The following NXPH1 variants were observed in gnomAD, a reference collection of about 807,000 sequenced individuals.
NXPH1 encodes the protein neurexophilin-1.
In NXPH1, 5 loss-of-function variants were observed where a neutral mutation model predicts 23.7. The ratio of observed to expected loss-of-function variants is 0.21; its 90% CI spans 0.11 to 0.44. The LOEUF is 0.44. Ranked by LOEUF, NXPH1 falls within the 20% of genes least tolerant of loss-of-function variation. The probability of loss-of-function intolerance (pLI) is 0.99; values close to 1 mark genes in which losing one functional copy is unlikely to be tolerated. For synonymous variants in NXPH1, 144 were observed against 122.2 expected (o/e 1.18, Z -1.18); for missense variants, 324 against 321.6 (o/e 1.01, Z -0.06).
At chr7:8,741,537 C>A (rs1444128151) in intron 2 of NXPH1, among the ~76,000 whole-genome samples, 1 of 152,100 alleles carries the variant, frequency 6.6e-6, no homozygotes, top group Non-Finnish European at 1.5e-5. Context: ...TACAGCTGTT[C>A]CCTTTCTCCA....
At chr7:8,555,925 A>G (rs1038849363) in intron 2 of NXPH1, among the ~76,000 whole-genome samples, 1 of 151,682 alleles carries the variant, frequency 6.6e-6, no homozygotes, top group African/African-American at 2.4e-5. Flanking sequence ...TTCTATCTGT[A>G]CTTGGAACAA....
intron 2 of NXPH1, among the ~76,000 whole-genome samples, chr7:8,636,423 C>G (rs1301224698): frequency 3.3e-5 from 5 of 152,208 alleles, no homozygotes; most frequent in Admixed American, 3.3e-4. Flanking sequence ...TATTTTCAAG[C>G]CACTTTCTCC....
At chr7:8,600,044 G>C (rs898221700) in intron 2 of NXPH1, among the ~76,000 whole-genome samples, 1 of 151,920 alleles carries the variant, frequency 6.6e-6, no homozygotes, top group Non-Finnish European at 1.5e-5. Flanking sequence ...CGTTGGTGGA[G>C]GGTATTTTCC....
intron 2 of NXPH1, among the ~76,000 whole-genome samples, chr7:8,515,937 A>T (rs1817679894): frequency 6.6e-6 from 1 of 151,840 alleles, no homozygotes; most frequent in Non-Finnish European, 1.5e-5. Context: ...TGTTCTTACC[A>T]CCTCATGTTC....
intron 2 of NXPH1, among the ~76,000 whole-genome samples, chr7:8,540,042 T>C (rs1353008109): frequency 6.6e-6 from 1 of 151,854 alleles, no homozygotes; most frequent in African/African-American, 2.4e-5. Flanking sequence ...TGTATACTTT[T>C]TGGAAAATAT....
chr7:8,477,233 TAAAG>T (rs1370643539), intron 2 of NXPH1, among the ~76,000 whole-genome samples: 2 of 152,118 alleles, frequency 1.3e-5, no homozygotes, highest in Non-Finnish European at 2.9e-5. Context: ...TATAAGCAAT[TAAAG>T]GAAGGTCTAC....
chr7:8,722,668 C>T (rs960975906), intron 2 of NXPH1, among the ~76,000 whole-genome samples: 1 of 152,136 alleles, frequency 6.6e-6, no homozygotes, highest in African/African-American at 2.4e-5. Flanking sequence ...TGGTGATTTC[C>T]AGAGCTTTGA....
chr7:8,464,016 T>C (rs1434574390), intron 2 of NXPH1, among the ~76,000 whole-genome samples: 1 of 152,094 alleles, frequency 6.6e-6, no homozygotes, highest in Non-Finnish European at 1.5e-5. Flanking sequence ...ACGTCTCTCC[T>C]CTTCCTCCTC....
At chr7:8,731,212 C>G (rs1166739342) in intron 2 of NXPH1, among the ~76,000 whole-genome samples, 1 of 152,046 alleles carries the variant, frequency 6.6e-6, no homozygotes, top group Non-Finnish European at 1.5e-5. Flanking sequence ...AAGCACTTCT[C>G]TGTATTGATT....
chr7:8,722,050 C>T (rs1324326780), intron 2 of NXPH1, among the ~76,000 whole-genome samples: 2 of 151,652 alleles, frequency 1.3e-5, no homozygotes, highest in African/African-American at 4.8e-5. Context: ...AGAGAACCTC[C>T]AAAATACCAG....
chr7:8,647,586 G>A (rs1319879659), intron 2 of NXPH1, among the ~76,000 whole-genome samples: 1 of 151,990 alleles, frequency 6.6e-6, no homozygotes, highest in Non-Finnish European at 1.5e-5. Context: ...AAATTCTTTT[G>A]TGTGGTTTTT....
At chr7:8,452,533 C>T (rs1231008234) in intron 2 of NXPH1, among the ~76,000 whole-genome samples, 2 of 151,998 alleles carry the variant, frequency 1.3e-5, no homozygotes, top group Non-Finnish European at 2.9e-5. Flanking sequence ...GATGTAAAGG[C>T]CTTGGGAGTA....
At chr7:8,717,577 T>A (rs1281779734) in intron 2 of NXPH1, among the ~76,000 whole-genome samples, 1 of 152,200 alleles carries the variant, frequency 6.6e-6, no homozygotes, top group African/African-American at 2.4e-5. Flanking sequence ...TTTCTGACTT[T>A]TGATTTTTCA....
chr7:8,660,571 T>C (rs949521014), intron 2 of NXPH1, among the ~76,000 whole-genome samples: 1 of 152,216 alleles, frequency 6.6e-6, no homozygotes, highest in Non-Finnish European at 1.5e-5. Flanking sequence ...TAAAACTCAT[T>C]TTTTGGCATC....
At chr7:8,579,591 C>G (rs1818826719) in intron 2 of NXPH1, among the ~76,000 whole-genome samples, 1 of 152,134 alleles carries the variant, frequency 6.6e-6, no homozygotes, top group Non-Finnish European at 1.5e-5. Flanking sequence ...AGACTGGTCT[C>G]AAACTCCTGA....
At chr7:8,655,133 C>G (rs796486281) in intron 2 of NXPH1, among the ~76,000 whole-genome samples, 29 of 152,152 alleles carry the variant, frequency 1.9e-4, no homozygotes, top group African/African-American at 7.0e-4. Flanking sequence ...GTCTGTAAAC[C>G]TAGCACTTTG....
chr7:8,732,368 C>T (rs1315295912), intron 2 of NXPH1, among the ~76,000 whole-genome samples: 1 of 152,188 alleles, frequency 6.6e-6, no homozygotes, highest in African/African-American at 2.4e-5. Context: ...GCTCCTTCGC[C>T]TTCGTTTGTT....
intron 2 of NXPH1, among the ~76,000 whole-genome samples, chr7:8,661,785 T>G (rs1193364258): frequency 6.6e-6 from 1 of 152,156 alleles, no homozygotes; most frequent in Non-Finnish European, 1.5e-5. Context: ...ACTTCTTAAA[T>G]GAGGAGTGCC....
intron 2 of NXPH1, among the ~76,000 whole-genome samples, chr7:8,616,064 A>T (rs1819729377): frequency 6.6e-6 from 1 of 152,008 alleles, no homozygotes; most frequent in South Asian, 2.1e-4. Flanking sequence ...CCCTCTCATC[A>T]TGACTTCATT....
Sources: allele counts gnomAD v4.1 joint callset (sites outside exome capture counted in the v4.1 genomes callset), GRCh38; gene constraint gnomAD v4.1.1; transcripts MANE v1.5; gene names NCBI Gene and HGNC (gene_info 2026-07-23, HGNC 2026-07-21).